WWOX: variants seen among roughly 807,000 people sequenced by gnomAD.
WWOX encodes the protein WW domain-containing oxidoreductase.
WWOX carries 69 observed loss-of-function variants against 46.2 expected under a neutral mutation model. The ratio of observed to expected loss-of-function variants is 1.49; its 90% CI spans 1.23 to 1.82. WWOX has a LOEUF of 1.82. Among genes scored for constraint, WWOX ranks in the 40% most tolerant of loss-of-function variants. The probability of loss-of-function intolerance (pLI) is 0.00; values close to 1 mark genes in which losing one functional copy is unlikely to be tolerated. For missense variants in WWOX, 919 were observed against 542.6 expected (o/e 1.69, Z -6.89); for synonymous variants, 359 against 202.6 (o/e 1.77, Z -6.56).
intron 8 of WWOX, among the ~76,000 whole-genome samples, chr16:78,704,966 GT>G (rs2048301601): frequency 1.3e-5 from 2 of 150,522 alleles, no homozygotes; most frequent in African/African-American, 4.9e-5. Context: ...ACCAGCGACA[GT>G]CTTGGTTTTC....
chr16:79,062,220 A>T (rs1356699193), intron 8 of WWOX, among the ~76,000 whole-genome samples: 1 of 152,216 alleles, frequency 6.6e-6, no homozygotes, highest in African/African-American at 2.4e-5. Context: ...GCGTAAGTGT[A>T]TCTTACAGTT....
intron 8 of WWOX, among the ~76,000 whole-genome samples, chr16:79,134,480 G>A (rs1359507973): frequency 6.6e-6 from 1 of 152,170 alleles, no homozygotes; most frequent in East Asian, 1.9e-4. Flanking sequence ...ATGAGGTCGA[G>A]GTCATTGTGC....
chr16:78,985,652 C>A (rs141989458), intron 8 of WWOX, among the ~76,000 whole-genome samples: 23 of 152,252 alleles, frequency 1.5e-4, no homozygotes, highest in African/African-American at 5.5e-4. Context: ...GCCTGTAGTC[C>A]CAGCTACTCA....
chr16:78,485,795 T>C (rs1379850160), intron 8 of WWOX, among the ~76,000 whole-genome samples: 1 of 152,152 alleles, frequency 6.6e-6, no homozygotes, highest in African/African-American at 2.4e-5. Flanking sequence ...CTTCATACAT[T>C]ATTGAGAGCA....
chr16:78,743,968 C>G (rs1263505079), intron 8 of WWOX, among the ~76,000 whole-genome samples: 2 of 152,196 alleles, frequency 1.3e-5, no homozygotes, highest in African/African-American at 2.4e-5. Context: ...TTCAGTAAAT[C>G]TCTACTTTTG....
chr16:78,547,160 C>A (rs111416886), intron 8 of WWOX, among the ~76,000 whole-genome samples: 3,365 of 83,982 alleles, frequency 0.04, 56 homozygotes, highest in African/African-American at 0.1. Flanking sequence ...AAAAAAAAAA[C>A]AACTACCAGG....
intron 8 of WWOX, among the ~76,000 whole-genome samples, chr16:78,879,703 C>A (rs947520826): frequency 1.3e-4 from 20 of 152,150 alleles, no homozygotes; most frequent in Non-Finnish European, 5.9e-5. Context: ...CATGGAGAAA[C>A]CCTGTCGTTA....
At chr16:79,105,075 A>G (rs2150641052) in intron 8 of WWOX, among the ~76,000 whole-genome samples, 1 of 152,242 alleles carries the variant, frequency 6.6e-6, no homozygotes, top group Admixed American at 6.5e-5. Flanking sequence ...GATATGACAG[A>G]CTGGAACCAG....
At chr16:79,087,868 G>A (rs2048882169) in intron 8 of WWOX, among the ~76,000 whole-genome samples, 1 of 152,158 alleles carries the variant, frequency 6.6e-6, no homozygotes, top group Admixed American at 6.5e-5. Context: ...GAAAGTTCAG[G>A]CCTCGGAAAG....
chr16:78,183,565 G>T (rs945441444), intron 5 of WWOX, among the ~76,000 whole-genome samples: 2 of 152,210 alleles, frequency 1.3e-5, no homozygotes, highest in Admixed American at 1.3e-4. Context: ...AGAAATGGAG[G>T]TATTGCATCC....
intron 8 of WWOX, among the ~76,000 whole-genome samples, chr16:79,036,304 C>G (rs2047865195): frequency 6.6e-6 from 1 of 152,212 alleles, no homozygotes; most frequent in Non-Finnish European, 1.5e-5. Flanking sequence ...GATGGCACCT[C>G]TTTTGGCTGA....
At chr16:78,649,154 T>A (rs1032958131) in intron 8 of WWOX, among the ~76,000 whole-genome samples, 2 of 152,052 alleles carry the variant, frequency 1.3e-5, no homozygotes, top group Admixed American at 6.6e-5. Context: ...TTTTGGTTTT[T>A]TTTGTATTTT....
chr16:78,221,580 T>C (rs2036889625), intron 5 of WWOX, among the ~76,000 whole-genome samples: 2 of 152,166 alleles, frequency 1.3e-5, no homozygotes, highest in Non-Finnish European at 2.9e-5. Flanking sequence ...GAGAAGTAGA[T>C]AAGAAAAACA....
intron 8 of WWOX, among the ~76,000 whole-genome samples, chr16:78,454,273 C>T (rs1226565040): frequency 6.6e-6 from 1 of 152,224 alleles, no homozygotes; most frequent in East Asian, 1.9e-4. Flanking sequence ...CTATGTTGCT[C>T]TAAAACAGCA....
chr16:78,099,715 G>A lies in WWOX; in HGVS notation c.-64G>A. Reference sequence around the variant, plus strand: ...CGCGGGTCTCGTTTGGAGCGGGAGTGAGTTCCTGAGCGAGTGGACCCGGCA... The same window carrying A: ...CGCGGGTCTCGTTTGGAGCGGGAGTAAGTTCCTGAGCGAGTGGACCCGGCA... On this transcript the variant is annotated 5_prime_UTR_variant, in exon 1 of 9. Transcript: ENST00000566780. 2 of 1,490,600 alleles carry A rather than the reference G, an allele frequency of 1.3e-6. No individual in the cohort carries two copies. Among genetic ancestry groups the A allele is most frequent in the Non-Finnish European group, 8.9e-7 (1 of 1,120,370 alleles). 92.3% of individuals were successfully genotyped at this position (1,490,600 alleles called of 1,614,324 possible). A position where few individuals can be genotyped will look rare whatever the true frequency, so the allele number is the denominator to read the frequency against.
intron 8 of WWOX, among the ~76,000 whole-genome samples, chr16:78,689,538 G>C (rs770523348): frequency 1.3e-5 from 2 of 152,182 alleles, no homozygotes; most frequent in Non-Finnish European, 2.9e-5. Context: ...CTTTGTAAGA[G>C]TCATTCTAAG....
At chr16:78,515,494 C>T (rs1219947648) in intron 8 of WWOX, among the ~76,000 whole-genome samples, 1 of 152,094 alleles carries the variant, frequency 6.6e-6, no homozygotes, top group East Asian at 1.9e-4. Flanking sequence ...GTGTACTGGT[C>T]ATTTCCCCGG....
At chr16:78,674,623 A>T (rs112637560) in intron 8 of WWOX, among the ~76,000 whole-genome samples, 1 of 151,948 alleles carries the variant, frequency 6.6e-6, no homozygotes, top group Non-Finnish European at 1.5e-5. Flanking sequence ...TCTCCTAACC[A>T]CTAGGTTCCA....
chr16:78,859,136 C>T (rs72802823), intron 8 of WWOX, among the ~76,000 whole-genome samples: 12 of 142,724 alleles, frequency 8.4e-5, no homozygotes, highest in South Asian at 2.3e-4. Context: ...CCTTGATGTT[C>T]TCGGGGTAAT....
Sources: allele counts gnomAD v4.1 joint callset (sites outside exome capture counted in the v4.1 genomes callset), GRCh38; gene constraint gnomAD v4.1.1; transcripts MANE v1.5; gene names NCBI Gene and HGNC (gene_info 2026-07-23, HGNC 2026-07-21).